CEP63: variants seen among roughly 807,000 people sequenced by gnomAD.
CEP63 encodes centrosomal protein 63, also known as centrosomal protein of 63 kDa.
CEP63 carries 84 observed loss-of-function variants against 89.1 expected under a neutral mutation model. The observed-to-expected ratio is 0.94, with a 90% CI of 0.79 to 1.13. The LOEUF (loss-of-function observed/expected upper bound fraction) is 1.13, where lower values mean the gene tolerates loss of function less well. Among genes scored for constraint, CEP63 ranks in the 50% most tolerant of loss-of-function variants. The pLI is 0.00. For synonymous variants in CEP63, 267 were observed against 272.5 expected (o/e 0.98, Z 0.20); for missense variants, 838 against 813.3 (o/e 1.03, Z -0.37).
At chr3:134,636,507 A>G in the CEP63 span, among the ~76,000 whole-genome samples, 4 of 152,212 alleles carry the variant, frequency 2.6e-5, no homozygotes, top group Non-Finnish European at 4.4e-5. Flanking sequence ...TGAATGAGCC[A>G]GGTTGTAGAT....
the CEP63 span, chr3:134,608,737 C>G: frequency 6.2e-7 from 1 of 1,614,060 alleles, no homozygotes; most frequent in South Asian, 1.1e-5. Context: ...TCTCAAACTG[C>G]CTCAGAGATT....
At chr3:134,630,238 C>T in the CEP63 span, among the ~76,000 whole-genome samples, 1 of 152,208 alleles carries the variant, frequency 6.6e-6, no homozygotes, top group African/African-American at 2.4e-5. Flanking sequence ...TTTTCCCCCA[C>T]TTTATTCTGT....
intron 3 of CEP63, among the ~76,000 whole-genome samples, chr3:134,519,494 C>G (rs1946988752): frequency 6.6e-6 from 1 of 152,158 alleles, no homozygotes; most frequent in Admixed American, 6.5e-5. Flanking sequence ...CAGTAGACTT[C>G]ATTGGTGAAT....
At chr3:134,486,926 A>C (rs888560964) in intron 1 of CEP63, among the ~76,000 whole-genome samples, 24 of 152,338 alleles carry the variant, frequency 1.6e-4, no homozygotes, top group Middle Eastern at 6.8e-3. Flanking sequence ...CAGTACATTT[A>C]GGCTTATAAT....
At position 134,561,984 on chromosome 3, in the gene CEP63, G is replaced by T; in HGVS notation, c.*449G>T. On this transcript the variant is annotated 3_prime_UTR_variant, in exon 15 of 15. Transcript: ENST00000675561. Reference sequence around the variant, plus strand: ...CTGGTTTTGCCACTTACCAGCCAACGGGGCTTGTTATTTACTGGGCTGGTA... The same window carrying T: ...CTGGTTTTGCCACTTACCAGCCAACTGGGCTTGTTATTTACTGGGCTGGTA... 1 of 1,018,386 alleles carries T rather than the reference G, an allele frequency of 9.8e-7. No homozygotes were observed. The highest frequency in any genetic ancestry group is 1.2e-6 in the Non-Finnish European group (1 of 850,040). 63.1% of individuals were successfully genotyped at this position (1,018,386 alleles called of 1,614,324 possible). A position where few individuals can be genotyped will look rare whatever the true frequency, so the allele number is the denominator to read the frequency against.
At chr3:134,592,525 C>T (rs9858801), downstream of CEP63, among the ~76,000 whole-genome samples, 147,590 of 148,124 alleles carry the variant, frequency 1, 73,532 homozygotes, top group Middle Eastern at 1. Flanking sequence ...TATGGAGGAA[C>T]TGACTGACTG....
intron 2 of CEP63, among the ~76,000 whole-genome samples, chr3:134,503,613 C>A (rs1258870023): frequency 6.6e-6 from 1 of 152,058 alleles, no homozygotes; most frequent in African/African-American, 2.4e-5. Flanking sequence ...GTACCGAAGT[C>A]CCCAATTATT....
intron 1 of CEP63, 62 bp downstream of exon 1, chr3:134,486,264 T>TG: frequency 1.0e-6 from 1 of 985,510 alleles, no homozygotes; most frequent in Non-Finnish European, 1.2e-6. Flanking sequence ...GTGCGCAAGT[T>TG]GGAGGGGCAA....
intron 10 of CEP63, among the ~76,000 whole-genome samples, chr3:134,582,934 G>C (rs1958395396): frequency 6.6e-6 from 1 of 152,212 alleles, no homozygotes; most frequent in Admixed American, 6.5e-5. Context: ...GACCAGTGAT[G>C]ATGAGCATTT....
At chr3:134,706,370 G>A in the CEP63 span, among the ~76,000 whole-genome samples, 1 of 152,098 alleles carries the variant, frequency 6.6e-6, no homozygotes, top group Non-Finnish European at 1.5e-5. Flanking sequence ...TACTTATACA[G>A]GTCTCAGTTT....
chr3:134,656,323 C>T, the CEP63 span, among the ~76,000 whole-genome samples: 111 of 152,212 alleles, frequency 7.3e-4, 2 homozygotes, highest in South Asian at 0.013. Flanking sequence ...AAGAGAAAAA[C>T]GCGTGTCTCA....
chr3:134,605,129 A>G, the CEP63 span, among the ~76,000 whole-genome samples: 96 of 150,100 alleles, frequency 6.4e-4, no homozygotes, highest in African/African-American at 2.1e-3. Flanking sequence ...GCCACCCCCC[A>G]TCTCTCCCCT....
the CEP63 span, among the ~76,000 whole-genome samples, chr3:134,740,587 G>A: frequency 1.3e-5 from 2 of 152,084 alleles, no homozygotes; most frequent in African/African-American, 4.8e-5. Context: ...GTGAGCCACC[G>A]TGCCCCGCCT....
chr3:134,643,476 G>T, the CEP63 span: 2 of 995,240 alleles, frequency 2.0e-6, no homozygotes, highest in Non-Finnish European at 1.6e-6. Context: ...GTGGGCTGGC[G>T]GGGGCCAAGC....
intron 1 of CEP63, chr3:134,486,563 G>A (rs942565796): frequency 9.2e-6 from 9 of 983,558 alleles, no homozygotes; most frequent in Non-Finnish European, 1.1e-5. Context: ...CCAGGTGGGC[G>A]AGCGAGCTGC....
At chr3:134,754,786 G>A in the CEP63 span, among the ~76,000 whole-genome samples, 1 of 152,074 alleles carries the variant, frequency 6.6e-6, no homozygotes, top group East Asian at 1.9e-4. Flanking sequence ...GGCTCCAGAC[G>A]CCACGCCCCC....
chr3:134,595,377 A>G, the CEP63 span, among the ~76,000 whole-genome samples: 1 of 152,196 alleles, frequency 6.6e-6, no homozygotes, highest in Non-Finnish European at 1.5e-5. Flanking sequence ...AGTCAATTAA[A>G]TCTTTTTCCT....
chr3:134,552,668 G>T (rs1348648597), intron 12 of CEP63: 1 of 151,340 alleles, frequency 6.6e-6, no homozygotes, highest in African/African-American at 2.4e-5. Context: ...TATTATTATT[G>T]TTAATGATTA....
rs1187435534 is a variant in CEP63, at chr3:134,558,143, CA to C, written c.1473del (p.Glu492ArgfsTer4). The C allele has an allele frequency of 6.2e-7, 1 of 1,609,854 alleles. No homozygotes were observed. The highest frequency in any genetic ancestry group is 8.5e-7 in the Non-Finnish European group (1 of 1,176,472). On this transcript the variant is annotated frameshift_variant and splice_region_variant, in exon 13 of 15. Transcript: ENST00000675561. LOFTEE classifies it high-confidence loss of function. ...GACTCTAGTATTCTTTTTTATTAGG[CA>C]AAAGAGATTTCACTAGCAGACCTCC... is the stretch of plus-strand genomic sequence containing the variant. ...VMKLELGLHE[A>X]KEISLADLQE...
Sources: gnomAD v4.1 joint callset for allele counts (sites outside exome capture counted in the v4.1 genomes callset) on GRCh38, gnomAD v4.1.1 for gene constraint, MANE v1.5 for transcripts, NCBI Gene and HGNC (gene_info 2026-07-23, HGNC 2026-07-21) for gene names.